Variants in ACSM3 observed in about 807,000 individuals in gnomAD.
The protein encoded by ACSM3 is acyl-coenzyme A synthetase ACSM3, mitochondrial.
A neutral mutation model predicts 74.1 loss-of-function variants in ACSM3; 61 were observed. The observed-to-expected ratio is 0.82, with a 90% CI of 0.67 to 1.02. The LOEUF is 1.02. ACSM3 is among the 50% of genes least tolerant of loss of function. The pLI, the probability that ACSM3 is intolerant of heterozygous loss-of-function variation, is 0.00. For missense variants in ACSM3, 660 were observed against 697.0 expected, an observed-to-expected ratio of 0.95 and a Z score of 0.60; for synonymous variants, 213 against 241.5, an observed-to-expected ratio of 0.88 and a Z score of 1.09.
intron 3 of ACSM3, 74 bp from the exon 4 acceptor site, chr16:20,777,299 A>C (rs2080266968): frequency 1.5e-6 from 2 of 1,311,102 alleles, no homozygotes; most frequent in Non-Finnish European, 2.1e-6. Context: ...GAATGTATAG[A>C]TGGTATCTAC....
chr16:20,768,095 T>TG (rs1262851313), intron 1 of ACSM3, among the ~76,000 whole-genome samples: 2 of 152,220 alleles, frequency 1.3e-5, no homozygotes, highest in African/African-American at 4.8e-5. Context: ...AAAAGTTTGC[T>TG]GACCCCTATT....
intron 1 of ACSM3, chr16:20,711,330 T>C: frequency 2.6e-6 from 1 of 380,902 alleles, no homozygotes. Context: ...CAGAGTCTTG[T>C]ACAATATCAT....
At chr16:20,704,731 G>A (rs1454366299) in intron 1 of ACSM3, among the ~76,000 whole-genome samples, 1 of 152,216 alleles carries the variant, frequency 6.6e-6, no homozygotes, top group African/African-American at 2.4e-5. Context: ...GTATAGCCAA[G>A]TTATAAAACA....
chr16:20,713,769 T>C (rs1273250440), intron 1 of ACSM3, among the ~76,000 whole-genome samples: 1 of 152,102 alleles, frequency 6.6e-6, no homozygotes, highest in East Asian at 1.9e-4. Flanking sequence ...GAAATGTGCA[T>C]ATTTTGGGGG....
chr16:20,680,942 C>G (rs2079432404), intron 1 of ACSM3: 1 of 152,150 alleles, frequency 6.6e-6, no homozygotes, highest in African/African-American at 2.4e-5. Context: ...AAGGGGAACT[C>G]TTATGGTATC....
chr16:20,730,626 A>C (rs2079824228), intron 1 of ACSM3, among the ~76,000 whole-genome samples: 2 of 152,132 alleles, frequency 1.3e-5, no homozygotes, highest in African/African-American at 4.8e-5. Context: ...TTCCATTCTC[A>C]GAAATAGTTT....
chr16:20,684,599 C>T (rs2079513207), intron 1 of ACSM3, among the ~76,000 whole-genome samples: 1 of 152,180 alleles, frequency 6.6e-6, no homozygotes, highest in Admixed American at 6.5e-5. Context: ...AACTTGCATT[C>T]TTCAAAAATG....
chr16:20,683,294 T>TTAG (rs2079483829), intron 1 of ACSM3, among the ~76,000 whole-genome samples: 4 of 151,868 alleles, frequency 2.6e-5, no homozygotes, highest in Admixed American at 1.3e-4. Flanking sequence ...TTTTTTATTA[T>TTAG]TATTATTATT....
intron 3 of ACSM3, among the ~76,000 whole-genome samples, chr16:20,757,581 A>G (rs2080041901): frequency 6.7e-6 from 1 of 150,114 alleles, no homozygotes; most frequent in African/African-American, 2.4e-5. Context: ...TCGTCTGCAA[A>G]CAGGGACAAT....
chr16:20,716,665 T>A (rs1174390987), intron 1 of ACSM3, among the ~76,000 whole-genome samples: 1 of 152,186 alleles, frequency 6.6e-6, no homozygotes, highest in African/African-American at 2.4e-5. Context: ...CACCCTCACC[T>A]GTTTACCCTC....
chr16:20,777,593 A>G lies in ACSM3; in HGVS notation c.638+13A>G, dbSNP rs778373703. The G allele has an allele frequency of 1.2e-6, 2 of 1,605,980 alleles. No individual in the cohort carries two copies. Among genetic ancestry groups the G allele is most frequent in the Non-Finnish European group, 1.7e-6 (2 of 1,173,272 alleles). On this transcript the variant is annotated intron_variant, in intron 4 of 13. Transcript: ENST00000289416. The stretch of plus-strand genomic sequence containing the variant: ...AGGAGTTGATGAAGTGAGTAGCCAC[A>G]CTTGTTGTAAAACAGCTTCCCAAAA...
At chr16:20,742,165 A>C in intron 1 of ACSM3, 14 of 755,862 alleles carry the variant, frequency 1.9e-5, no homozygotes, top group Non-Finnish European at 2.4e-5. Context: ...CGTGGACACA[A>C]TGGTCAAGTC....
At chr16:20,697,906 C>G (rs977010931) in intron 1 of ACSM3, 1 of 152,260 alleles carries the variant, frequency 6.6e-6, no homozygotes, top group East Asian at 1.9e-4. Flanking sequence ...AGAAAACAAA[C>G]CATGTGGGCC....
intron 1 of ACSM3, among the ~76,000 whole-genome samples, chr16:20,767,075 C>T (rs942779009): frequency 6.6e-6 from 1 of 151,566 alleles, no homozygotes; most frequent in African/African-American, 2.4e-5. Context: ...TTTTTTTGAG[C>T]CATTTGAAGA....
In ACSM3 at chr16:20,797,399, A is replaced by C; in HGVS notation, c.*427A>C. The stretch of plus-strand genomic sequence containing the variant: ...AGAAAAATATAAAATATCAGTTAGA[A>C]GATTATGATAATCTCAAAGTACAAG... On this transcript the variant is annotated 3_prime_UTR_variant, in exon 14 of 14. Transcript: ENST00000289416. The C allele has an allele frequency of 6.0e-6, 6 of 993,118 alleles. No individual in the cohort carries two copies. Among genetic ancestry groups the C allele is most frequent in the Non-Finnish European group, 7.2e-6 (6 of 829,458 alleles). The allele number at this position is 993,118 out of a possible 1,614,324, so 61.5% of individuals were successfully genotyped here.
chr16:20,682,467 G>C, intron 1 of ACSM3: 1 of 1,611,900 alleles, frequency 6.2e-7, no homozygotes, highest in Non-Finnish European at 8.5e-7. Flanking sequence ...ATGATCCCTG[G>C]GGATGAGAAA....
intron 1 of ACSM3, among the ~76,000 whole-genome samples, chr16:20,712,912 C>CAA (rs1023535477): frequency 2.5e-5 from 2 of 81,118 alleles, no homozygotes; most frequent in Admixed American, 1.3e-4. Flanking sequence ...GACTCTGTCT[C>CAA]AAAAAAAAAA....
upstream of ACSM3, among the ~76,000 whole-genome samples, chr16:20,761,011 A>T (rs767944415): frequency 6.6e-6 from 1 of 152,326 alleles, no homozygotes; most frequent in Non-Finnish European, 1.5e-5. Flanking sequence ...GCCAATCAGG[A>T]GATCTTTAAA....
At chr16:20,735,349 C>T (rs2079859654) in intron 1 of ACSM3, 1 of 150,406 alleles carries the variant, frequency 6.6e-6, no homozygotes, top group East Asian at 1.9e-4. Context: ...GGTTTATGTG[C>T]TGTCTGTCCA....
Sources: allele counts gnomAD v4.1 joint callset (sites outside exome capture counted in the v4.1 genomes callset), GRCh38; gene constraint gnomAD v4.1.1; transcripts MANE v1.5; gene names NCBI Gene and HGNC (gene_info 2026-07-23, HGNC 2026-07-21).